CRISP1: variants seen among roughly 807,000 people sequenced by gnomAD.
CRISP1 encodes the protein cysteine rich secretory protein 1.
Under a neutral mutation model 33.1 loss-of-function variants are expected in CRISP1, and 44 were observed. That is an observed-to-expected ratio of 1.33 (90% CI 1.05 to 1.71). CRISP1 has a LOEUF of 1.71. Ranked by LOEUF, CRISP1 falls within the 40% of genes most tolerant of loss-of-function variation. The pLI is 0.00. For missense variants in CRISP1, 390 were observed against 301.2 expected (o/e 1.29, Z -2.18); for synonymous variants, 103 against 98.7 (o/e 1.04, Z -0.26).
chr6:49,862,832 A>G (rs1771689609), intron 1 of CRISP1, among the ~76,000 whole-genome samples: 1 of 151,602 alleles, frequency 6.6e-6, no homozygotes, highest in Non-Finnish European at 1.5e-5. Flanking sequence ...AAAAAACAAA[A>G]CAAAACTGGA....
In CRISP1 at chr6:49,840,917, C is replaced by G. The variant is rs372119257; in HGVS notation, c.514G>C (p.Val172Leu). The change falls in exon 6 of 8, where the codon GTT becomes CTT. Residue 172 changes from valine to leucine, a missense_variant. Transcript: ENST00000335847. ...ACATACTCATGACAATAGTGACAAACGTAGAGATATCGAGGTGATCCTTGT... is the reference window on the plus strand; with the variant it reads ...ACATACTCATGACAATAGTGACAAAGGTAGAGATATCGAGGTGATCCTTGT... The part of the protein sequence containing the change: ...RQQGSPRYLY[V>L]CHYCHEGNDP... 2 of 1,613,260 alleles carry G rather than the reference C, an allele frequency of 1.2e-6. No individual in the cohort carries two copies. Among genetic ancestry groups the G allele is most frequent in the East Asian group, 4.5e-5 (2 of 44,856 alleles).
rs1208737371 is a variant in CRISP1 at position 49,852,006 on chromosome 6, T to C, written c.190A>G (p.Lys64Glu). The C allele has an allele frequency of 6.2e-7, 1 of 1,607,636 alleles. No individual in the cohort carries two copies. Reference sequence around the variant, plus strand: ...TTGCTATTTTTTGATCTTACCATCTTCAGCATGTTGCTGGCTGGTGGAACT... The same window carrying C: ...TTGCTATTTTTTGATCTTACCATCTCCAGCATGTTGCTGGCTGGTGGAACT... ...RVVPPASNML[K>E]MSWSEEAAQN... The change falls in exon 3 of 8, where the codon AAG becomes GAG. Residue 64 changes from lysine (K) to glutamate (E), a missense_variant. Physicochemically the swap from Lys to Glu is moderately conservative, Grantham distance 56. Coordinates refer to ENST00000335847, the MANE Select transcript of CRISP1 (RefSeq NM_001131.3).
At chr6:49,846,191 T>C (rs1446548332) in intron 5 of CRISP1, among the ~76,000 whole-genome samples, 4 of 152,188 alleles carry the variant, frequency 2.6e-5, no homozygotes, top group African/African-American at 9.6e-5. Flanking sequence ...AAAACTAAAG[T>C]TAGAAATCAG....
chr6:49,869,519 A>T (rs1325880627), upstream of CRISP1, among the ~76,000 whole-genome samples: 1 of 152,176 alleles, frequency 6.6e-6, no homozygotes, highest in Non-Finnish European at 1.5e-5. Flanking sequence ...AGGATTATTG[A>T]AGCTATCCTG....
At chr6:49,837,084 ATAT>A (rs1366444540) in intron 7 of CRISP1, among the ~76,000 whole-genome samples, 1 of 151,966 alleles carries the variant, frequency 6.6e-6, no homozygotes, top group Non-Finnish European at 1.5e-5. Flanking sequence ...TACTTTCCTA[ATAT>A]TATAAGTAAG....
chr6:49,847,449 G>T (rs924669709), intron 4 of CRISP1, among the ~76,000 whole-genome samples: 1 of 151,962 alleles, frequency 6.6e-6, no homozygotes, highest in African/African-American at 2.4e-5. Context: ...TTAAAAGTAT[G>T]TGGCACCCCC....
chr6:49,876,327 C>T (rs556460403), intron 1 of CRISP1, among the ~76,000 whole-genome samples: 2 of 152,080 alleles, frequency 1.3e-5, no homozygotes, highest in Non-Finnish European at 2.9e-5. Flanking sequence ...CAAATCAAAA[C>T]CACAATGAAA....
chr6:49,861,368 A>ACAG (rs1771648144), intron 1 of CRISP1, among the ~76,000 whole-genome samples: 1 of 152,112 alleles, frequency 6.6e-6, no homozygotes, highest in South Asian at 2.1e-4. Context: ...ACCAAATCCA[A>ACAG]CAGCACATGT....
chr6:49,854,554 C>A (rs904988928), intron 2 of CRISP1, among the ~76,000 whole-genome samples: 15 of 152,226 alleles, frequency 9.9e-5, no homozygotes, highest in African/African-American at 2.6e-4. Context: ...TTTCTTAAAA[C>A]AGATAAACAA....
chr6:49,869,013 T>C (rs1263742334), upstream of CRISP1, among the ~76,000 whole-genome samples: 2 of 152,144 alleles, frequency 1.3e-5, no homozygotes, highest in Non-Finnish European at 2.9e-5. Flanking sequence ...CAATATACAT[T>C]TATCCTTCTA....
At chr6:49,836,834 T>TG (rs1770813919) in intron 7 of CRISP1, among the ~76,000 whole-genome samples, 2 of 152,152 alleles carry the variant, frequency 1.3e-5, no homozygotes, top group African/African-American at 2.4e-5. Flanking sequence ...AGAGCAATTG[T>TG]ATATTTGATA....
At chr6:49,866,967 G>A (rs1771814573), upstream of CRISP1, among the ~76,000 whole-genome samples, 1 of 152,114 alleles carries the variant, frequency 6.6e-6, no homozygotes, top group South Asian at 2.1e-4. Flanking sequence ...TCTATAATGT[G>A]TCACATACTT....
chr6:49,849,051 T>G (rs1026185701), intron 3 of CRISP1, among the ~76,000 whole-genome samples: 1 of 152,166 alleles, frequency 6.6e-6, no homozygotes, highest in Non-Finnish European at 1.5e-5. Flanking sequence ...TTCTTGACTC[T>G]CAGTGTGCAT....
rs546799932 is a variant in CRISP1, at chr6:49,835,075, A to C, written c.*241T>G. 1 of 364,992 alleles carries C rather than the reference A, an allele frequency of 2.7e-6. No individual in the cohort carries two copies. The highest frequency in any genetic ancestry group is 7.0e-5 in the South Asian group (1 of 14,214). 22.6% of individuals were successfully genotyped at this position (364,992 alleles called of 1,614,324 possible). A position where few individuals can be genotyped will look rare whatever the true frequency, so the allele number is the denominator to read the frequency against. On this transcript the variant is annotated 3_prime_UTR_variant, in exon 8 of 8. Transcript: ENST00000335847. Reference sequence around the variant, plus strand: ...ACCATAAGTTGAATTATGCCAACTTAAAAACTATAAATCACATGATTTAAA... The same window carrying C: ...ACCATAAGTTGAATTATGCCAACTTCAAAACTATAAATCACATGATTTAAA...
At position 49,834,782 on chromosome 6, in the gene CRISP1, T is replaced by C. The variant is rs1481092506; in HGVS notation, c.*534A>G. The C allele has an allele frequency of 6.6e-6, 1 of 152,380 alleles. No individual in the cohort carries two copies. The highest frequency in any genetic ancestry group is 1.5e-5 in the Non-Finnish European group (1 of 68,192). 9.4% of individuals were successfully genotyped at this position (152,380 alleles called of 1,614,324 possible). A position where few individuals can be genotyped will look rare whatever the true frequency, so the allele number is the denominator to read the frequency against. ...CTTGCTTCACAAATGTATATATAGATGTGTCAATAAAACAATGAGACATTT... is the reference window on the plus strand; with the variant it reads ...CTTGCTTCACAAATGTATATATAGACGTGTCAATAAAACAATGAGACATTT... On this transcript the variant is annotated 3_prime_UTR_variant, in exon 8 of 8. Coordinates refer to ENST00000335847, the MANE Select transcript of CRISP1 (RefSeq NM_001131.3).
chr6:49,857,438 A>G (rs1262152226), intron 1 of CRISP1, 36 bp from the exon 2 acceptor site: 2 of 1,565,666 alleles, frequency 1.3e-6, no homozygotes, highest in South Asian at 1.1e-5. Context: ...GATTATTCTC[A>G]ATTCATGGGA....
intron 1 of CRISP1, among the ~76,000 whole-genome samples, chr6:49,871,654 G>GT (rs1314890114): frequency 2.7e-5 from 4 of 149,004 alleles, no homozygotes; most frequent in Non-Finnish European, 4.4e-5. Flanking sequence ...GTGGTGTTTG[G>GT]TTTTTTGTCC....
At chr6:49,873,506 G>T (rs1233478151) in intron 1 of CRISP1, among the ~76,000 whole-genome samples, 1 of 151,906 alleles carries the variant, frequency 6.6e-6, no homozygotes, top group Non-Finnish European at 1.5e-5. Flanking sequence ...CTCATGTTAG[G>T]CTATTTTTCC....
At chr6:49,840,555 C>A (rs1259803498) in intron 6 of CRISP1, among the ~76,000 whole-genome samples, 7 of 152,102 alleles carry the variant, frequency 4.6e-5, no homozygotes, top group Non-Finnish European at 1.0e-4. Flanking sequence ...AAATTTGTTT[C>A]TCTTATATAA....
Sources: allele counts gnomAD v4.1 joint callset (sites outside exome capture counted in the v4.1 genomes callset), GRCh38; gene constraint gnomAD v4.1.1; transcripts MANE v1.5; gene names NCBI Gene and HGNC (gene_info 2026-07-23, HGNC 2026-07-21).